BRWD1: variants seen among roughly 807,000 people sequenced by gnomAD.
BRWD1 encodes the protein bromodomain and WD repeat domain containing 1.
Under a neutral mutation model 251.2 loss-of-function variants are expected in BRWD1, and 82 were observed. The ratio of observed to expected loss-of-function variants is 0.33; its 90% CI spans 0.27 to 0.39. BRWD1 has a LOEUF of 0.39. Among genes scored for constraint, BRWD1 ranks in the 10% least tolerant of loss-of-function variants. The pLI is 1.00. For missense variants in BRWD1, 2,233 were observed against 2,711.6 expected (o/e 0.82, Z 3.92); for synonymous variants, 918 against 902.8 (o/e 1.02, Z -0.30).
At chr21:39,263,077 C>T (rs1455763294) in intron 17 of BRWD1, among the ~76,000 whole-genome samples, 3 of 152,134 alleles carry the variant, frequency 2.0e-5, no homozygotes, top group Non-Finnish European at 4.4e-5. Flanking sequence ...TGCACTCCAG[C>T]CTGGGGAAAC....
intron 29 of BRWD1, among the ~76,000 whole-genome samples, chr21:39,223,120 G>GAAAT (rs1307651955): frequency 2.0e-5 from 3 of 152,104 alleles, no homozygotes; most frequent in African/African-American, 7.2e-5. Context: ...AATGTGAAAG[G>GAAAT]ATATTAGTGA....
Position 39,248,661 on chromosome 21 carries a change from A to AC in BRWD1, c.2350-830_2350-829insG, listed in dbSNP as rs2034286387. ...TCTCCCAAAAAAAAAAAAAAAAAAAAAAAAAAAAAAAAAAAAAAAACACTG... is the reference window on the plus strand; with the variant it reads ...TCTCCCAAAAAAAAAAAAAAAAAAAACAAAAAAAAAAAAAAAAAAAACACTG... On this transcript the variant is annotated intron_variant, in intron 20 of 40. Coordinates refer to ENST00000342449, the MANE Select transcript of BRWD1 (RefSeq NM_033656.4). Among the ~76,000 whole-genome samples the AC allele has an allele frequency of 2.1e-5, 3 of 144,810 alleles. No individual in the cohort carries two copies. The South Asian group carries it at 6.6e-4, about 32-fold the overall frequency.
At chr21:39,309,557 G>A (rs991145333) in intron 4 of BRWD1, among the ~76,000 whole-genome samples, 2 of 150,740 alleles carry the variant, frequency 1.3e-5, no homozygotes, top group Admixed American at 6.6e-5. Flanking sequence ...GGGCGCGGTG[G>A]CTCACGCCTG....
At chr21:39,284,561 C>G (rs1288863717) in intron 8 of BRWD1, among the ~76,000 whole-genome samples, 1 of 152,150 alleles carries the variant, frequency 6.6e-6, no homozygotes, top group East Asian at 1.9e-4. Context: ...TAAGAGTTCC[C>G]CTTTCTCCAC....
At chr21:39,247,602 T>C in intron 21 of BRWD1, 99 bp downstream of exon 21, 1 of 1,240,854 alleles carries the variant, frequency 8.1e-7, no homozygotes, top group Non-Finnish European at 1.1e-6. Flanking sequence ...TGCAGAATGC[T>C]GTGTTTTCAT....
chr21:39,231,702 T>C (rs2033623197), intron 25 of BRWD1, among the ~76,000 whole-genome samples: 1 of 152,182 alleles, frequency 6.6e-6, no homozygotes, highest in South Asian at 2.1e-4. Flanking sequence ...ACCAACATCT[T>C]TGCCACTTGC....
upstream of BRWD1, chr21:39,313,946 C>G: frequency 5.8e-6 from 2 of 341,894 alleles, no homozygotes; most frequent in Non-Finnish European, 1.1e-5. Flanking sequence ...GGGCGGGTGC[C>G]GGGGGCGGAA....
chr21:39,257,202 T>TAA (rs5843954), intron 18 of BRWD1, among the ~76,000 whole-genome samples: 2,643 of 136,974 alleles, frequency 0.019, 72 homozygotes, highest in African/African-American at 0.064. Context: ...TGAAGCTATT[T>TAA]AAAAAAAAAA....
intron 19 of BRWD1, among the ~76,000 whole-genome samples, chr21:39,252,198 A>G (rs1267610519): frequency 1.3e-5 from 2 of 151,324 alleles, no homozygotes; most frequent in East Asian, 3.9e-4. Context: ...GAAGTGAGCC[A>G]AGATCACACC....
chr21:39,251,831 A>G (rs531388513), intron 19 of BRWD1, among the ~76,000 whole-genome samples: 11 of 152,350 alleles, frequency 7.2e-5, no homozygotes. Context: ...ACAATAAAGC[A>G]ATACATACAA....
intron 21 of BRWD1, among the ~76,000 whole-genome samples, chr21:39,239,867 T>C (rs2033930736): frequency 6.6e-6 from 1 of 152,236 alleles, no homozygotes; most frequent in Non-Finnish European, 1.5e-5. Context: ...CTAAACATAA[T>C]AAGATCCAGC....
intron 4 of BRWD1, among the ~76,000 whole-genome samples, chr21:39,308,085 G>A (rs1176253900): frequency 6.6e-6 from 1 of 152,040 alleles, no homozygotes; most frequent in Non-Finnish European, 1.5e-5. Flanking sequence ...TGCTTATGTT[G>A]CCCAGGCTGC....
At chr21:39,197,887 C>G (rs928740287) in intron 40 of BRWD1, among the ~76,000 whole-genome samples, 4 of 152,172 alleles carry the variant, frequency 2.6e-5, no homozygotes, top group Admixed American at 6.5e-5. Context: ...TCTTATGAGA[C>G]CACCACTGTT....
chr21:39,299,581 T>C (rs2036052889), intron 4 of BRWD1, among the ~76,000 whole-genome samples: 1 of 152,138 alleles, frequency 6.6e-6, no homozygotes, highest in African/African-American at 2.4e-5. Context: ...GAGAATAGGC[T>C]GGATAAACTT....
chr21:39,281,876 A>G (rs1417904289), intron 8 of BRWD1, among the ~76,000 whole-genome samples: 1 of 89,756 alleles, frequency 1.1e-5, no homozygotes, highest in East Asian at 2.8e-4. Flanking sequence ...ACCTACCAAA[A>G]AAAATATATA....
At chr21:39,185,345 CGAGTT>C (rs536277737), downstream of BRWD1, 323 of 124,584 alleles carry the variant, frequency 2.6e-3, 2 homozygotes, top group Middle Eastern at 9.9e-3. Context: ...TAGTCTTCAC[CGAGTT>C]AAGTATTTCA....
chr21:39,291,122 C>CAA (rs1471452799), intron 8 of BRWD1, among the ~76,000 whole-genome samples: 2 of 152,088 alleles, frequency 1.3e-5, no homozygotes, highest in African/African-American at 2.4e-5. Context: ...AAAACAAAAA[C>CAA]AAAAACCGCT....
intron 20 of BRWD1, 81 bp from the exon 21 acceptor site, chr21:39,247,913 T>G: frequency 7.2e-7 from 1 of 1,395,398 alleles, no homozygotes; most frequent in Non-Finnish European, 9.4e-7. Flanking sequence ...CCGTCAAGTT[T>G]CCAGAAGGAT....
chr21:39,312,521 C>G (rs947854744), intron 4 of BRWD1: 7 of 253,502 alleles, frequency 2.8e-5, no homozygotes, highest in African/African-American at 1.6e-4. Flanking sequence ...AATGAAACCG[C>G]CCAGTTGAAT....
Sources: allele counts gnomAD v4.1 joint callset (sites outside exome capture counted in the v4.1 genomes callset), GRCh38; gene constraint gnomAD v4.1.1; transcripts MANE v1.5; gene names NCBI Gene and HGNC (gene_info 2026-07-23, HGNC 2026-07-21).